The following RNF150 variants were observed in gnomAD, a reference collection of about 807,000 sequenced individuals.
The protein encoded by RNF150 is ring finger protein 150.
A neutral mutation model predicts 39.3 loss-of-function variants in RNF150; 24 were observed. The ratio of observed to expected loss-of-function variants is 0.61; its 90% CI spans 0.44 to 0.86. The LOEUF (loss-of-function observed/expected upper bound fraction) is 0.86, where lower values mean the gene tolerates loss of function less well. Ranked by LOEUF, RNF150 falls within the 40% of genes least tolerant of loss-of-function variation. The probability of loss-of-function intolerance (pLI) is 0.00; values close to 1 mark genes in which losing one functional copy is unlikely to be tolerated. For missense variants in RNF150, 502 were observed against 587.8 expected, an observed-to-expected ratio of 0.85 and a Z score of 1.51; for synonymous variants, 255 against 227.3, an observed-to-expected ratio of 1.12 and a Z score of -1.10.
intron 6 of RNF150, among the ~76,000 whole-genome samples, chr4:140,872,524 C>A (rs1316379402): frequency 6.6e-6 from 1 of 151,208 alleles, no homozygotes; most frequent in Non-Finnish European, 1.5e-5. Flanking sequence ...ATTGGCAGGA[C>A]AATGGGCAGA....
chr4:141,071,044 A>G, intron 1 of RNF150, among the ~76,000 whole-genome samples: 2 of 126,586 alleles, frequency 1.6e-5, no homozygotes, highest in African/African-American at 5.9e-5. Flanking sequence ...ATGGAATACT[A>G]TGCAGCCATA....
chr4:140,908,855 T>C (rs1730488888), intron 6 of RNF150, among the ~76,000 whole-genome samples: 1 of 152,174 alleles, frequency 6.6e-6, no homozygotes, highest in African/African-American at 2.4e-5. Flanking sequence ...ATGAAGTATG[T>C]ACCCACTCTT....
intron 6 of RNF150, among the ~76,000 whole-genome samples, chr4:140,892,140 T>C (rs1475279546): frequency 1.3e-5 from 2 of 152,000 alleles, no homozygotes; most frequent in African/African-American, 4.8e-5. Flanking sequence ...GGTACTATTT[T>C]CTACTGTTGG....
intron 1 of RNF150, among the ~76,000 whole-genome samples, chr4:140,983,809 G>GT (rs1733937054): frequency 7.1e-6 from 1 of 140,910 alleles, no homozygotes; most frequent in South Asian, 2.3e-4. Flanking sequence ...GCACAATCTT[G>GT]TATCACTGCA....
chr4:141,136,723 A>C (rs759740291), upstream of RNF150, among the ~76,000 whole-genome samples: 4 of 152,248 alleles, frequency 2.6e-5, no homozygotes, highest in African/African-American at 9.6e-5. Flanking sequence ...AACAAAACAG[A>C]TAAGATTCTT....
At chr4:140,943,870 T>C (rs1015849460) in intron 4 of RNF150, among the ~76,000 whole-genome samples, 10 of 152,194 alleles carry the variant, frequency 6.6e-5, no homozygotes, top group African/African-American at 2.4e-4. Flanking sequence ...AAAACAGTAG[T>C]AGAAACTAGT....
chr4:141,004,667 C>A (rs1395985867), intron 1 of RNF150, among the ~76,000 whole-genome samples: 1 of 152,102 alleles, frequency 6.6e-6, no homozygotes, highest in Non-Finnish European at 1.5e-5. Context: ...TATAATAATC[C>A]TTTACATATT....
intron 1 of RNF150, among the ~76,000 whole-genome samples, chr4:140,986,538 T>C (rs1734022326): frequency 6.6e-6 from 1 of 152,132 alleles, no homozygotes; most frequent in South Asian, 2.1e-4. Flanking sequence ...GCTCCCTGCA[T>C]ATCTCTTTCC....
At chr4:141,030,145 G>C (rs999055441) in intron 1 of RNF150, among the ~76,000 whole-genome samples, 9 of 151,518 alleles carry the variant, frequency 5.9e-5, no homozygotes, top group African/African-American at 2.2e-4. Context: ...AGTGAGCCAA[G>C]ATCACGCCAC....
At chr4:140,921,099 G>A (rs1214456971) in intron 5 of RNF150, among the ~76,000 whole-genome samples, 2 of 150,596 alleles carry the variant, frequency 1.3e-5, no homozygotes, top group Non-Finnish European at 3.0e-5. Flanking sequence ...GTTAATGGGT[G>A]CAGCACACCA....
intron 1 of RNF150, among the ~76,000 whole-genome samples, chr4:141,155,577 A>G (rs893243641): frequency 1.3e-5 from 2 of 152,192 alleles, no homozygotes; most frequent in African/African-American, 4.8e-5. Flanking sequence ...AGGACTAGGA[A>G]TAATCACAAA....
intron 5 of RNF150, among the ~76,000 whole-genome samples, chr4:140,922,891 C>T (rs7442164): frequency 0.56 from 84,628 of 149,968 alleles, 25,012 homozygotes; most frequent in East Asian, 0.89. Context: ...ATTTAATAAA[C>T]GGTGCTGGGA....
At chr4:141,099,124 T>G (rs998116167) in intron 1 of RNF150, among the ~76,000 whole-genome samples, 3 of 152,110 alleles carry the variant, frequency 2.0e-5, no homozygotes, top group African/African-American at 7.2e-5. Flanking sequence ...ATAATTTTAA[T>G]ATGATTTTGT....
intron 1 of RNF150, among the ~76,000 whole-genome samples, chr4:141,070,161 G>C (rs990133444): frequency 6.6e-6 from 1 of 152,124 alleles, no homozygotes; most frequent in African/African-American, 2.4e-5. Context: ...ATGGTGCTGG[G>C]AAAACTGGCT....
intron 6 of RNF150, among the ~76,000 whole-genome samples, chr4:140,906,440 C>T (rs1412244906): frequency 6.6e-6 from 1 of 152,046 alleles, no homozygotes; most frequent in Non-Finnish European, 1.5e-5. Flanking sequence ...GCAAATATTA[C>T]ACCATTTTAT....
rs1240044029 is a variant in RNF150, at chr4:140,922,239, T to C, written c.987+3738A>G. Among the ~76,000 whole-genome samples the C allele has an allele frequency of 6.8e-4, 103 of 151,432 alleles. 2 individuals carry two copies. The South Asian group carries it at 0.02, about 30-fold the overall frequency. On this transcript the variant is annotated intron_variant, in intron 5 of 6. Coordinates refer to ENST00000515673, the MANE Select transcript of RNF150 (RefSeq NM_020724.2). ...AAAACCCCATCGTCTCAGCCCAAAA[T>C]CTTCTTAAGCTGATAAGCAACTTCA...
intron 1 of RNF150, among the ~76,000 whole-genome samples, chr4:140,988,832 G>C (rs1187425116): frequency 6.6e-6 from 1 of 152,172 alleles, no homozygotes; most frequent in African/African-American, 2.4e-5. Flanking sequence ...CATAAAAAAT[G>C]ATGAGTTCAT....
intron 1 of RNF150, among the ~76,000 whole-genome samples, chr4:141,068,170 C>G (rs916935534): frequency 2.6e-5 from 4 of 152,114 alleles, no homozygotes; most frequent in Non-Finnish European, 5.9e-5. Context: ...CTCTTGAACA[C>G]CTAACCTCAT....
chr4:141,087,384 A>G (rs1212484964), intron 1 of RNF150, among the ~76,000 whole-genome samples: 1 of 151,974 alleles, frequency 6.6e-6, no homozygotes, highest in East Asian at 1.9e-4. Context: ...ATATTTTTCT[A>G]CTACTCCTTT....
Sources: allele counts gnomAD v4.1 joint callset (sites outside exome capture counted in the v4.1 genomes callset), GRCh38; gene constraint gnomAD v4.1.1; transcripts MANE v1.5; gene names NCBI Gene and HGNC (gene_info 2026-07-23, HGNC 2026-07-21).